Variants in NEBL observed in about 807,000 individuals in gnomAD.
NEBL encodes nebulette.
NEBL carries 122 observed loss-of-function variants against 140.2 expected under a neutral mutation model. The ratio of observed to expected loss-of-function variants is 0.87; its 90% CI spans 0.75 to 1.01. The LOEUF (loss-of-function observed/expected upper bound fraction) is 1.01, where lower values mean the gene tolerates loss of function less well. Among genes scored for constraint, NEBL ranks in the 50% least tolerant of loss-of-function variants. The pLI is 0.00. For synonymous variants in NEBL, 436 were observed against 398.9 expected, an observed-to-expected ratio of 1.09 and a Z score of -1.11; for missense variants, 1,365 against 1,231.3, an observed-to-expected ratio of 1.11 and a Z score of -1.62.
At chr10:20,794,988 G>A (rs567059358) in intron 26 of NEBL, among the ~76,000 whole-genome samples, 24 of 152,232 alleles carry the variant, frequency 1.6e-4, no homozygotes, top group African/African-American at 4.3e-4. Context: ...CAGAAATGAG[G>A]GGGAGCCAGA....
At chr10:20,939,460 G>C (rs1459075936) in intron 4 of NEBL, among the ~76,000 whole-genome samples, 5 of 152,144 alleles carry the variant, frequency 3.3e-5, no homozygotes, top group African/African-American at 4.8e-5. Flanking sequence ...GGAACAACTG[G>C]TACCAGCCAC....
At chr10:21,067,568 T>G (rs1420111716) in intron 2 of NEBL, among the ~76,000 whole-genome samples, 1 of 152,152 alleles carries the variant, frequency 6.6e-6, no homozygotes, top group Non-Finnish European at 1.5e-5. Context: ...AAAGGAGATC[T>G]TGGAAAGATT....
chr10:20,880,784 G>T lies in NEBL; in HGVS notation c.480+10C>A, dbSNP rs377230358. The T allele has an allele frequency of 2.1e-5, 33 of 1,580,874 alleles. No homozygotes were observed. In the African/African-American group the frequency reaches 3.2e-4, roughly 15 times the overall value. ...TTCGCTAGAAAATCATGAGAAATGC[G>T]CTTCCTTACATTACTCTGGTGTTTA... On this transcript the variant is annotated intron_variant, in intron 5 of 27. Transcript: ENST00000377122.
intron 1 of NEBL, among the ~76,000 whole-genome samples, chr10:21,290,084 A>C (rs1843122570): frequency 6.6e-6 from 1 of 152,194 alleles, no homozygotes; most frequent in Admixed American, 6.5e-5. Flanking sequence ...GCAGGTTGTA[A>C]AGAATCTAAT....
intron 3 of NEBL, among the ~76,000 whole-genome samples, chr10:21,247,429 G>A (rs1444944003): frequency 1.3e-5 from 2 of 152,158 alleles, no homozygotes; most frequent in Admixed American, 1.3e-4. Context: ...AACCAGATCG[G>A]TAGCTGTCTG....
Position 20,978,384 on chromosome 10 carries a change from A to G in NEBL, c.250-16605T>C, listed in dbSNP as rs1318742199. 2.6e-5 allele frequency among the ~76,000 whole-genome samples: 4 copies of G among 151,994 alleles called. No homozygotes were observed. In the South Asian group the frequency reaches 6.2e-4, roughly 24 times the overall value. ...AATATACAAGGCCATTTGTGAGTCTATCCTATTTATGACATTTCTCAGTAA... is the reference window on the plus strand; with the variant it reads ...AATATACAAGGCCATTTGTGAGTCTGTCCTATTTATGACATTTCTCAGTAA... On this transcript the variant is annotated intron_variant, in intron 3 of 6. Transcript: ENST00000417816.
chr10:20,890,577 A>G (rs1165627235), intron 2 of NEBL, among the ~76,000 whole-genome samples: 1 of 152,168 alleles, frequency 6.6e-6, no homozygotes, highest in Non-Finnish European at 1.5e-5. Context: ...CCTGCCCAGA[A>G]AGCTTGCTAT....
chr10:20,869,264 T>C (rs1201876801), intron 6 of NEBL, among the ~76,000 whole-genome samples: 1 of 152,128 alleles, frequency 6.6e-6, no homozygotes, highest in Non-Finnish European at 1.5e-5. Context: ...TGAAGTAAAA[T>C]GGTATTAACT....
intron 2 of NEBL, among the ~76,000 whole-genome samples, chr10:21,087,106 C>T (rs1029038399): frequency 2.0e-5 from 3 of 152,192 alleles, no homozygotes; most frequent in Non-Finnish European, 2.9e-5. Context: ...TCCAGTAAAA[C>T]ATATGACACA....
At chr10:20,937,751 C>G (rs1941102985) in intron 4 of NEBL, among the ~76,000 whole-genome samples, 1 of 152,192 alleles carries the variant, frequency 6.6e-6, no homozygotes, top group African/African-American at 2.4e-5. Context: ...TAATACAGCA[C>G]TTTTCCGACG....
intron 4 of NEBL, among the ~76,000 whole-genome samples, chr10:20,910,090 T>G (rs1170015512): frequency 1.3e-5 from 2 of 152,200 alleles, no homozygotes; most frequent in Admixed American, 6.5e-5. Context: ...TTGAATTTTT[T>G]GGGCAGTTTG....
intron 26 of NEBL, among the ~76,000 whole-genome samples, chr10:20,795,282 T>G (rs1353905734): frequency 1.3e-5 from 2 of 152,166 alleles, no homozygotes; most frequent in Non-Finnish European, 2.9e-5. Flanking sequence ...ACAGGATATG[T>G]GCCAGCCAGG....
chr10:20,959,401 C>T (rs751336648), intron 4 of NEBL, among the ~76,000 whole-genome samples: 2 of 152,114 alleles, frequency 1.3e-5, no homozygotes, highest in South Asian at 4.1e-4. Flanking sequence ...AATCCAGCCA[C>T]TGTCAAAAAA....
chr10:20,812,772 C>T lies in NEBL; in HGVS notation c.2515G>A (p.Val839Ile). The change falls in exon 24 of 28, where the codon GTT (valine) becomes ATT (isoleucine). Residue 839 changes from valine (V) to isoleucine (I), a missense_variant. Transcript: ENST00000377122. ...CCGACAAACGCCGTCAGCTTACCAA[C>T]AATGATTCCAGGTCTCCTGTCCATC... is the stretch of plus-strand genomic sequence containing the variant. ...VEMDRRPGII[V>I]DLKVWRTDPG... 6.2e-7 allele frequency: 1 copy of T among 1,613,934 alleles called. No homozygotes were observed. Among genetic ancestry groups the T allele is most frequent in the East Asian group, 2.2e-5 (1 of 44,836 alleles).
chr10:21,288,854 A>T (rs774302475), intron 1 of NEBL, among the ~76,000 whole-genome samples: 7,015 of 98,074 alleles, frequency 0.072, 501 homozygotes, highest in Admixed American at 0.11. Flanking sequence ...ATATATAAAA[A>T]TTTTTTTTTT....
At position 21,125,787 on chromosome 10, in the gene NEBL, T is replaced by C. The variant is rs1838795663; in HGVS notation, c.164+46596A>G. ...CTCAGGCTCATTTAAAATTTTATTG[T>C]ATATGGTATGGTATAAGACAGTGTC... On this transcript the variant is annotated intron_variant, in intron 2 of 6. Coordinates refer to the NEBL transcript ENST00000417816. 14 of 1,461,492 alleles carry C rather than the reference T, an allele frequency of 9.6e-6. No homozygotes were observed. The East Asian group carries it at 3.2e-4, about 33-fold the overall frequency. The allele number at this position is 1,461,492 out of a possible 1,614,324, so 90.5% of individuals were successfully genotyped here.
chr10:21,054,178 A>C (rs946466555), intron 2 of NEBL, among the ~76,000 whole-genome samples: 1 of 152,238 alleles, frequency 6.6e-6, no homozygotes, highest in African/African-American at 2.4e-5. Context: ...TAGTGCTGTG[A>C]GAAATGAACT....
chr10:20,870,162 A>G (rs1844775659), intron 5 of NEBL, among the ~76,000 whole-genome samples: 1 of 151,574 alleles, frequency 6.6e-6, no homozygotes, highest in Non-Finnish European at 1.5e-5. Context: ...CCCCATCTCT[A>G]CTAAAAATAC....
At chr10:20,792,957 A>C (rs1836145469) in intron 26 of NEBL, among the ~76,000 whole-genome samples, 1 of 152,162 alleles carries the variant, frequency 6.6e-6, no homozygotes, top group South Asian at 2.1e-4. Flanking sequence ...TCCTATTCAC[A>C]TCTGATCACA....
Sources: gnomAD v4.1 joint callset for allele counts (sites outside exome capture counted in the v4.1 genomes callset) on GRCh38, gnomAD v4.1.1 for gene constraint, MANE v1.5 for transcripts, NCBI Gene and HGNC (gene_info 2026-07-23, HGNC 2026-07-21) for gene names.